The following CSNK1G2 variants were observed in gnomAD, a reference collection of about 807,000 sequenced individuals.
CSNK1G2 encodes casein kinase I isoform gamma-2.
CSNK1G2 carries 11 observed loss-of-function variants against 48.0 expected under a neutral mutation model. The observed-to-expected ratio is 0.23, with a 90% CI of 0.14 to 0.38. The LOEUF is 0.38. Among genes scored for constraint, CSNK1G2 ranks in the 10% least tolerant of loss-of-function variants. The pLI, the probability that CSNK1G2 is intolerant of heterozygous loss-of-function variation, is 1.00. For synonymous variants in CSNK1G2, 337 were observed against 254.1 expected, an observed-to-expected ratio of 1.33 and a Z score of -3.10; for missense variants, 446 against 595.5, an observed-to-expected ratio of 0.75 and a Z score of 2.61.
chr19:1,951,825 C>T lies in CSNK1G2; in HGVS notation c.-266+10407C>T, dbSNP rs112252430. Among the ~76,000 whole-genome samples the T allele has an allele frequency of 3.5e-4, 52 of 149,876 alleles. 3 individuals carry two copies. Among genetic ancestry groups the T allele is most frequent in the African/African-American group, 1.1e-3 (43 of 40,176 alleles). On this transcript the variant is annotated intron_variant, in intron 1 of 11. Transcript: ENST00000255641. ...CCTCCCGAGCAGCTGGGACCACAGG[C>T]GCCCGCCACCACAGCTGGCTAATTT...
chr19:1,949,234 C>G (rs2087820413), intron 1 of CSNK1G2, among the ~76,000 whole-genome samples: 2 of 152,216 alleles, frequency 1.3e-5, no homozygotes, highest in African/African-American at 4.8e-5. Context: ...AGCAGCCAGC[C>G]TTCCACACCA....
At chr19:1,967,033 CTTAA>C (rs1190550640) in intron 1 of CSNK1G2, among the ~76,000 whole-genome samples, 5 of 119,096 alleles carry the variant, frequency 4.2e-5, no homozygotes, top group Non-Finnish European at 8.0e-5. Flanking sequence ...CCACGCCCCG[CTTAA>C]TTAAAGTGTG....
intron 1 of CSNK1G2, among the ~76,000 whole-genome samples, chr19:1,950,433 C>T (rs778768505): frequency 1.4e-5 from 2 of 147,200 alleles, no homozygotes; most frequent in Non-Finnish European, 3.0e-5. Context: ...GCCACCGCGC[C>T]TGGCCATCAA....
intron 1 of CSNK1G2, chr19:1,959,240 T>TC (rs34706191): frequency 0.27 from 41,372 of 151,592 alleles, 5,997 homozygotes; most frequent in East Asian, 0.38. Flanking sequence ...CTTTTCAGGT[T>TC]TGGTTGGTGG....
At chr19:1,975,306 C>G in intron 2 of CSNK1G2, 1 of 985,468 alleles carries the variant, frequency 1.0e-6, no homozygotes, top group Non-Finnish European at 1.2e-6. Flanking sequence ...AGCACACAGG[C>G]GAGGGCTTGT....
intron 1 of CSNK1G2, among the ~76,000 whole-genome samples, chr19:1,943,952 G>C (rs1267720896): frequency 1.3e-5 from 2 of 152,206 alleles, no homozygotes; most frequent in Non-Finnish European, 2.9e-5. Flanking sequence ...CAGCCTGGCA[G>C]GGGCTGCGGG....
chr19:1,968,111 C>G (rs191574753), intron 1 of CSNK1G2, among the ~76,000 whole-genome samples: 2 of 50,830 alleles, frequency 3.9e-5, no homozygotes, highest in African/African-American at 2.2e-4. Flanking sequence ...AGGCTGCCCC[C>G]GACCACCCTT....
At chr19:1,951,068 G>A (rs1417070725) in intron 1 of CSNK1G2, among the ~76,000 whole-genome samples, 1 of 145,370 alleles carries the variant, frequency 6.9e-6, no homozygotes, top group African/African-American at 2.6e-5. Flanking sequence ...GACGCCGTGT[G>A]CCTGGGGAGG....
At position 1,969,650 on chromosome 19, in the gene CSNK1G2, C is replaced by T; in HGVS notation, c.-123C>T. 1 of 882,226 alleles carries T rather than the reference C, an allele frequency of 1.1e-6. No individual in the cohort carries two copies. 54.6% of individuals were successfully genotyped at this position (882,226 alleles called of 1,614,324 possible). On this transcript the variant is annotated 5_prime_UTR_variant, in exon 2 of 12. Coordinates refer to ENST00000255641, the MANE Select transcript of CSNK1G2 (RefSeq NM_001319.7). ...TCTCAGTAGCTGGGAGCCACGGGCCCACGCCCGCCCACCGGCCGCAGTGAT... is the reference window on the plus strand; with the variant it reads ...TCTCAGTAGCTGGGAGCCACGGGCCTACGCCCGCCCACCGGCCGCAGTGAT...
rs779686141 is a variant in CSNK1G2, at chr19:1,978,772, G to T, written c.447+22G>T. 1.3e-6 allele frequency: 2 copies of T among 1,567,648 alleles called. No individual in the cohort carries two copies. The highest frequency in any genetic ancestry group is 2.4e-5 in the East Asian group (1 of 42,396). On this transcript the variant is annotated intron_variant, in intron 5 of 11. Coordinates refer to ENST00000255641, the MANE Select transcript of CSNK1G2 (RefSeq NM_001319.7). The surrounding 1 kb of genome is among the most constrained non-coding windows in gnomAD (Gnocchi z 7.3). ...GCTGGTGCGCGGCGGGCGGGGCGGG[G>T]CGGGGCTCGGAGGGAAGAGGGTGGC...
In CSNK1G2 at chr19:1,957,242, C is replaced by T. The variant is rs139336596; in HGVS notation, c.-265-12266C>T. On this transcript the variant is annotated intron_variant, in intron 1 of 11. Transcript: ENST00000255641. The surrounding 1 kb of genome is among the most constrained non-coding windows in gnomAD (Gnocchi z 5.4). ...ACCGTGTCAGGAGGGATAGCCTACA[C>T]GGAGAGCAGGCCAGTGGCCCTGTGC... Among the ~76,000 whole-genome samples the T allele has an allele frequency of 4.3e-4, 65 of 152,330 alleles. No homozygotes were observed. Among genetic ancestry groups the T allele is most frequent in the African/African-American group, 1.6e-3 (65 of 41,582 alleles).
At chr19:1,952,108 C>T (rs1289113984) in intron 1 of CSNK1G2, among the ~76,000 whole-genome samples, 1 of 152,182 alleles carries the variant, frequency 6.6e-6, no homozygotes, top group Admixed American at 6.5e-5. Flanking sequence ...CTTGGCATGT[C>T]TTTTTCGGGG....
chr19:1,965,034 T>A (rs1258685215), intron 1 of CSNK1G2, among the ~76,000 whole-genome samples: 1 of 148,982 alleles, frequency 6.7e-6, no homozygotes, highest in Non-Finnish European at 1.5e-5. Flanking sequence ...CCAAAAAGAT[T>A]TCTTTCAAAA....
At position 1,980,313 on chromosome 19, in the gene CSNK1G2, G is replaced by A. The variant is rs535017351; in HGVS notation, c.*110G>A. 2.9e-6 allele frequency: 4 copies of A among 1,385,308 alleles called. No individual in the cohort carries two copies. The Admixed American group carries it at 5.6e-5, about 20-fold the overall frequency. 85.8% of individuals were successfully genotyped at this position (1,385,308 alleles called of 1,614,324 possible). ...AGCGGCCCAGGGCCAGACCCTGGCT[G>A]GAAGCCAGAACGCAGACTGCAGGGG... On this transcript the variant is annotated 3_prime_UTR_variant, in exon 12 of 12. Transcript: ENST00000255641.
At chr19:1,955,861 C>T (rs2014977273) in intron 1 of CSNK1G2, among the ~76,000 whole-genome samples, 2 of 152,212 alleles carry the variant, frequency 1.3e-5, no homozygotes, top group African/African-American at 2.4e-5. Flanking sequence ...TGAGGCCGGG[C>T]ACAGGGAGGC....
intron 1 of CSNK1G2, among the ~76,000 whole-genome samples, chr19:1,958,235 C>T (rs1313741191): frequency 6.6e-6 from 1 of 151,992 alleles, no homozygotes; most frequent in Admixed American, 6.6e-5. Context: ...GTCCAGAGCA[C>T]GGCTTCCTTC....
rs1370507349 is a variant in CSNK1G2, at chr19:1,957,420, G to A, written c.-265-12088G>A. Among the ~76,000 whole-genome samples the A allele has an allele frequency of 6.6e-6, 1 of 152,246 alleles. No individual in the cohort carries two copies. Among genetic ancestry groups the A allele is most frequent in the African/African-American group, 2.4e-5 (1 of 41,460 alleles). On this transcript the variant is annotated intron_variant, in intron 1 of 11. Coordinates refer to ENST00000255641, the MANE Select transcript of CSNK1G2 (RefSeq NM_001319.7). This position sits in a 1 kb window ranked among gnomAD's most constrained non-coding sequence, Gnocchi z 5.4. ...TCGTGCAAACCAAGTGCTGAGCAGA[G>A]AGCAGCCTGGGAGAGAAGGGGGCTG... is the stretch of plus-strand genomic sequence containing the variant.
In CSNK1G2 at chr19:1,946,729, C is replaced by G. The variant is rs534709453; in HGVS notation, c.-266+5311C>G. Among the ~76,000 whole-genome samples, 86 of 152,020 alleles carry G rather than the reference C, an allele frequency of 5.7e-4. 2 individuals are homozygous for G. In the South Asian group the frequency reaches 0.017, roughly 30 times the overall value. ...CCGGGTTCACGCCATTCTCCTGCCT[C>G]AGCCTCTCCAGCAGCTGGGACTACA... On this transcript the variant is annotated intron_variant, in intron 1 of 11. Transcript: ENST00000255641.
chr19:1,944,187 C>CG (rs1057467239), intron 1 of CSNK1G2, among the ~76,000 whole-genome samples: 3 of 152,104 alleles, frequency 2.0e-5, no homozygotes, highest in African/African-American at 7.2e-5. Context: ...TCAGGCGTGC[C>CG]GGGTCCGCCT....
Sources: allele counts gnomAD v4.1 joint callset (sites outside exome capture counted in the v4.1 genomes callset), GRCh38; gene constraint gnomAD v4.1.1; non-coding constraint Gnocchi (gnomAD v3.1); transcripts MANE v1.5; gene names NCBI Gene and HGNC (gene_info 2026-07-23, HGNC 2026-07-21).